The following AXDND1 variants were observed in gnomAD, a reference collection of about 807,000 sequenced individuals.
The protein encoded by AXDND1 is axonemal dynein light chain domain-containing protein 1.
Under a neutral mutation model 137.5 loss-of-function variants are expected in AXDND1, and 110 were observed. That is an observed-to-expected ratio of 0.80 (90% CI 0.69 to 0.94). AXDND1 has a LOEUF of 0.94. AXDND1 is among the 40% of genes least tolerant of loss of function. The pLI is 0.00. For missense variants in AXDND1, 1,191 were observed against 1,169.8 expected (o/e 1.02, Z -0.26); for synonymous variants, 414 against 399.7 (o/e 1.04, Z -0.43).
intron 18 of AXDND1, 37 bp downstream of exon 18, chr1:179,483,258 C>A: frequency 6.9e-7 from 1 of 1,445,156 alleles, no homozygotes; most frequent in Non-Finnish European, 9.4e-7. Context: ...TTATATTTTG[C>A]CTCGGCTGGC....
intron 16 of AXDND1, chr1:179,453,921 T>A (rs1660903738): frequency 6.6e-6 from 1 of 152,178 alleles, no homozygotes. Context: ...ACCCAATGCC[T>A]GTACCCCCTT....
intron 20 of AXDND1, among the ~76,000 whole-genome samples, chr1:179,506,351 G>C (rs532726022): frequency 6.6e-6 from 1 of 152,244 alleles, no homozygotes; most frequent in East Asian, 1.9e-4. Flanking sequence ...ATATATGGGA[G>C]GGAAATATAC....
At chr1:179,435,014 G>A (rs191888001) in intron 15 of AXDND1, among the ~76,000 whole-genome samples, 232 of 152,186 alleles carry the variant, frequency 1.5e-3, no homozygotes, top group Non-Finnish European at 2.7e-3. Context: ...CAAAATCAAC[G>A]TGCAAAAATC....
At chr1:179,435,934 A>G (rs1353784562) in intron 15 of AXDND1, among the ~76,000 whole-genome samples, 1 of 152,124 alleles carries the variant, frequency 6.6e-6, no homozygotes, top group African/African-American at 2.4e-5. Flanking sequence ...TTTGCAATCT[A>G]TCCATCTGAC....
intron 7 of AXDND1, among the ~76,000 whole-genome samples, chr1:179,382,963 A>G (rs1257608301): frequency 1.3e-5 from 2 of 152,148 alleles, no homozygotes; most frequent in African/African-American, 2.4e-5. Flanking sequence ...ATTGCATATT[A>G]AATTTTACAT....
intron 16 of AXDND1, among the ~76,000 whole-genome samples, chr1:179,462,646 G>A (rs531706225): frequency 4.9e-4 from 74 of 152,270 alleles, no homozygotes; most frequent in African/African-American, 1.8e-3. Flanking sequence ...TGTACCTCTG[G>A]TAGAATTTGG....
chr1:179,429,266 G>A (rs1477923368), intron 12 of AXDND1, among the ~76,000 whole-genome samples: 6 of 152,104 alleles, frequency 3.9e-5, no homozygotes, highest in Admixed American at 2.6e-4. Context: ...GTATAAAGGG[G>A]CCTTGAGATA....
At chr1:179,491,942 G>A (rs1273929803) in intron 19 of AXDND1, among the ~76,000 whole-genome samples, 1 of 152,194 alleles carries the variant, frequency 6.6e-6, no homozygotes, top group Non-Finnish European at 1.5e-5. Flanking sequence ...CGGGCAGGAT[G>A]AGAAGTGTGT....
At chr1:179,441,871 A>G (rs1659036095) in intron 15 of AXDND1, among the ~76,000 whole-genome samples, 2 of 152,172 alleles carry the variant, frequency 1.3e-5, no homozygotes, top group Admixed American at 6.5e-5. Flanking sequence ...TAAATTCCAT[A>G]TCAGATATGC....
At chr1:179,461,403 G>T (rs1418987958) in intron 16 of AXDND1, among the ~76,000 whole-genome samples, 1 of 151,990 alleles carries the variant, frequency 6.6e-6, no homozygotes, top group Non-Finnish European at 1.5e-5. Context: ...CTGTTCCATT[G>T]GTCTATATAT....
intron 23 of AXDND1, 123 bp downstream of exon 23, chr1:179,528,554 C>T (rs1670756084): frequency 2.2e-6 from 1 of 458,454 alleles, no homozygotes; most frequent in East Asian, 3.9e-5. Context: ...ATGTATTTTA[C>T]AGATATTTTT....
At chr1:179,501,267 A>G (rs1667972416) in intron 20 of AXDND1, among the ~76,000 whole-genome samples, 1 of 152,234 alleles carries the variant, frequency 6.6e-6, no homozygotes, top group Non-Finnish European at 1.5e-5. Context: ...CATATTTTAA[A>G]CTTCTTGTAA....
At position 179,497,965 on chromosome 1, in the gene AXDND1, G is replaced by A. The variant is rs150659559; in HGVS notation, c.2388+5014G>A. ...ACATCTAGCCAAGGAGGTGAAAGGC[G>A]TCTACAAGGAGAACTACAAAACACT... On this transcript the variant is annotated intron_variant, in intron 20 of 25. Transcript: ENST00000367618. Among the ~76,000 whole-genome samples the A allele has an allele frequency of 6.6e-4, 101 of 152,074 alleles. 2 individuals are homozygous for A. Among genetic ancestry groups the A allele is most frequent in the East Asian group, 6.2e-3 (32 of 5,180 alleles).
rs547504662 is a variant in AXDND1, at chr1:179,447,709, A to C, written c.1798+2505A>C. 7.4e-6 allele frequency: 10 copies of C among 1,348,376 alleles called. No individual in the cohort carries two copies. The East Asian group carries it at 1.8e-4, about 25-fold the overall frequency. The allele number at this position is 1,348,376 out of a possible 1,614,324, so 83.5% of individuals were successfully genotyped here. ...TGGTGGAGGGGGAGACTTTGTAGGC[A>C]TGACTTTACCTAAACTATTTGCACC... On this transcript the variant is annotated intron_variant, in intron 16 of 25. Coordinates refer to ENST00000367618, the MANE Select transcript of AXDND1 (RefSeq NM_144696.6).
chr1:179,554,621 GAAC>G lies in AXDND1; in HGVS notation c.*107_*109del, dbSNP rs1673804256. ...CTGGTGGCCATTGTTCTGTACTAAG[GAAC>G]AACATTCCCTTTGAAAGGACATTAT... is the stretch of plus-strand genomic sequence containing the variant. On this transcript the variant is annotated 3_prime_UTR_variant, in exon 26 of 26. Coordinates refer to ENST00000367618, the MANE Select transcript of AXDND1 (RefSeq NM_144696.6). 5 of 1,543,688 alleles carry G rather than the reference GAAC, an allele frequency of 3.2e-6. No homozygotes were observed. The African/African-American group carries it at 6.8e-5, about 21-fold the overall frequency.
chr1:179,483,831 A>G (rs1572031371), intron 18 of AXDND1, among the ~76,000 whole-genome samples: 1 of 152,230 alleles, frequency 6.6e-6, no homozygotes, highest in Admixed American at 6.5e-5. Flanking sequence ...ATGAGGAATT[A>G]TGTGTATCCT....
At chr1:179,546,329 T>C (rs1572235184) in intron 25 of AXDND1, 1 of 147,702 alleles carries the variant, frequency 6.8e-6, no homozygotes, top group Non-Finnish European at 1.5e-5. Flanking sequence ...AAAAAAAAAG[T>C]ATGCCCCAGG....
chr1:179,515,096 C>T (rs111522480), intron 21 of AXDND1, among the ~76,000 whole-genome samples: 20 of 152,130 alleles, frequency 1.3e-4, no homozygotes, highest in African/African-American at 4.3e-4. Context: ...TTCCATTCAT[C>T]GTGCTATTTG....
chr1:179,379,315 G>C (rs538753394), intron 5 of AXDND1, 82 bp from the exon 6 acceptor site: 1 of 1,423,232 alleles, frequency 7.0e-7, no homozygotes, highest in South Asian at 1.3e-5. Context: ...ATCTCTTTAG[G>C]TTAGGAATTA....
Sources: allele counts gnomAD v4.1 joint callset (sites outside exome capture counted in the v4.1 genomes callset), GRCh38; gene constraint gnomAD v4.1.1; transcripts MANE v1.5; gene names NCBI Gene and HGNC (gene_info 2026-07-23, HGNC 2026-07-21).